LPP: variants seen among roughly 807,000 people sequenced by gnomAD.
The protein encoded by LPP is lipoma-preferred partner.
LPP carries 38 observed loss-of-function variants against 60.4 expected under a neutral mutation model. The observed-to-expected ratio is 0.63, with a 90% CI of 0.49 to 0.83. LPP has a LOEUF of 0.83. Among genes scored for constraint, LPP ranks in the 40% least tolerant of loss-of-function variants. The pLI is 0.00. For missense variants in LPP, 902 were observed against 783.6 expected, an observed-to-expected ratio of 1.15 and a Z score of -1.80; for synonymous variants, 328 against 290.8, an observed-to-expected ratio of 1.13 and a Z score of -1.30.
rs556522817 is a variant in LPP at position 188,403,680 on chromosome 3, G to GA, written c.-9-2422dup. On this transcript the variant is annotated intron_variant, in intron 3 of 11. Coordinates refer to ENST00000617246, the MANE Select transcript of LPP (RefSeq NM_001375462.1). ...GAGATGGGTTTGGTTTTGGTATTTA[G>GA]AAAAAAAAAATCATCTGAAGTTATT... 3.8e-3 allele frequency among the ~76,000 whole-genome samples: 565 copies of GA among 148,694 alleles called. 1 individual carries two copies. The highest frequency in any genetic ancestry group is 5.0e-3 in the Non-Finnish European group (335 of 66,972).
In LPP at chr3:188,609,680, T is replaced by A. The variant is rs768076814; in HGVS notation, c.949T>A (p.Tyr317Asn). The A allele has an allele frequency of 5.0e-6, 8 of 1,614,098 alleles. No individual in the cohort carries two copies. The highest frequency in any genetic ancestry group is 1.7e-4 in the Middle Eastern group (1 of 6,060). ...YGGRNDSDPT[Y>N]GQQGHPNTWK... ...GGGCAGAAATGACTCTGACCCTACC[T>A]ATGGTCAACAAGGTCACCCAAATAC... The change falls in exon 7 of 12, where the codon TAT becomes AAT. Residue 317 changes from tyrosine (Y) to asparagine (N), a missense_variant. Coordinates refer to ENST00000617246, the MANE Select transcript of LPP (RefSeq NM_001375462.1). This position sits in a 1 kb window ranked among gnomAD's most constrained non-coding sequence, Gnocchi z 6.9.
At chr3:188,746,459 T>C (rs1176286759) in intron 8 of LPP, 9 of 442,774 alleles carry the variant, frequency 2.0e-5, no homozygotes, top group Non-Finnish European at 3.9e-5. Context: ...CTGTATTTGT[T>C]GTAACTATCT....
At chr3:188,155,030 G>A (rs1374594533) in intron 1 of LPP, among the ~76,000 whole-genome samples, 1 of 152,140 alleles carries the variant, frequency 6.6e-6, no homozygotes. Flanking sequence ...GGAACCGTGG[G>A]CCAGAGAAGA....
At chr3:188,232,285 C>T (rs1403147216) in intron 2 of LPP, among the ~76,000 whole-genome samples, 11 of 152,046 alleles carry the variant, frequency 7.2e-5, no homozygotes, top group Non-Finnish European at 1.3e-4. Context: ...CTGGCCAGAA[C>T]GTGAATTCTA....
At chr3:188,499,622 A>G (rs1234451744) in intron 5 of LPP, among the ~76,000 whole-genome samples, 3 of 151,970 alleles carry the variant, frequency 2.0e-5, no homozygotes, top group Non-Finnish European at 4.4e-5. Flanking sequence ...GAATTTTAGG[A>G]TAGGTTTTTC....
chr3:188,527,053 G>A (rs1384754068), intron 6 of LPP, among the ~76,000 whole-genome samples: 2 of 152,122 alleles, frequency 1.3e-5, no homozygotes, highest in African/African-American at 2.4e-5. Flanking sequence ...GAGCCACAGG[G>A]CTGCAAGCAA....
At chr3:188,738,905 T>C (rs145003480) in intron 8 of LPP, among the ~76,000 whole-genome samples, 178 of 152,234 alleles carry the variant, frequency 1.2e-3, no homozygotes, top group African/African-American at 4.1e-3. Flanking sequence ...TGATTGGTCT[T>C]TAAAAAAATA....
chr3:188,170,310 GTTTCT>G (rs1273015862), intron 1 of LPP, among the ~76,000 whole-genome samples: 41 of 148,054 alleles, frequency 2.8e-4, no homozygotes, highest in African/African-American at 8.3e-4. Flanking sequence ...GGGAGTCTCA[GTTTCT>G]TTTCTTTTCT....
At chr3:188,359,366 A>G (rs1411457244) in intron 3 of LPP, among the ~76,000 whole-genome samples, 1 of 152,200 alleles carries the variant, frequency 6.6e-6, no homozygotes, top group African/African-American at 2.4e-5. Flanking sequence ...CTCTTGAAAT[A>G]AAATGTGCAT....
Position 188,610,798 on chromosome 3 carries a change from G to A in LPP, c.1113+954G>A, listed in dbSNP as rs138074477. Among the ~76,000 whole-genome samples, 541 of 152,216 alleles carry A rather than the reference G, an allele frequency of 3.6e-3. 2 individuals carry two copies. Among genetic ancestry groups the A allele is most frequent in the African/African-American group, 0.011 (477 of 41,542 alleles). On this transcript the variant is annotated intron_variant, in intron 7 of 11. Transcript: ENST00000617246. The surrounding 1 kb of genome is among the most constrained non-coding windows in gnomAD (Gnocchi z 4.4). The stretch of plus-strand genomic sequence containing the variant: ...GAACCAATAAGAATAACTTGGAATC[G>A]GTGAAAATAGAGGAACTGAGCCAGT...
At chr3:188,753,597 G>C (rs1728842286) in intron 8 of LPP, among the ~76,000 whole-genome samples, 1 of 151,520 alleles carries the variant, frequency 6.6e-6, no homozygotes, top group Admixed American at 6.6e-5. Flanking sequence ...GTGTGTGTGT[G>C]TGTGTGTGTG....
chr3:188,706,962 A>C (rs546779929), intron 7 of LPP, among the ~76,000 whole-genome samples: 2 of 152,302 alleles, frequency 1.3e-5, no homozygotes, highest in South Asian at 4.1e-4. Flanking sequence ...AGAAATGGTC[A>C]AATTTATAGG....
At chr3:188,853,600 G>A (rs1201522969) in intron 9 of LPP, among the ~76,000 whole-genome samples, 1 of 152,170 alleles carries the variant, frequency 6.6e-6, no homozygotes, top group Non-Finnish European at 1.5e-5. Flanking sequence ...CCTAGACAGG[G>A]GAGGTAGGAC....
chr3:188,250,521 C>A (rs772663937), intron 2 of LPP, among the ~76,000 whole-genome samples: 5 of 152,176 alleles, frequency 3.3e-5, no homozygotes, highest in Non-Finnish European at 7.4e-5. Context: ...ACACTTTATT[C>A]TTGCTCCTTA....
chr3:188,647,802 C>T (rs1851383907), intron 7 of LPP, among the ~76,000 whole-genome samples: 1 of 152,168 alleles, frequency 6.6e-6, no homozygotes, highest in South Asian at 2.1e-4. Context: ...CTTCTCTGCT[C>T]TATCGTGGCT....
intron 3 of LPP, among the ~76,000 whole-genome samples, chr3:188,384,394 G>T (rs1777671710): frequency 6.6e-6 from 1 of 150,532 alleles, no homozygotes; most frequent in African/African-American, 2.4e-5. Flanking sequence ...TATATATATG[G>T]CTTATAATGG....
chr3:188,742,906 C>T (rs949599851), intron 8 of LPP, among the ~76,000 whole-genome samples: 9 of 152,118 alleles, frequency 5.9e-5, no homozygotes, highest in Admixed American at 1.3e-4. Flanking sequence ...CATATTTGAG[C>T]GAGGGCTGTC....
At chr3:188,844,233 AT>A (rs1266776037) in intron 9 of LPP, among the ~76,000 whole-genome samples, 1 of 152,210 alleles carries the variant, frequency 6.6e-6, no homozygotes, top group Non-Finnish European at 1.5e-5. Flanking sequence ...TAGATGTTGT[AT>A]AATCTAAGTT....
rs553620986 is a variant in LPP at position 188,368,248 on chromosome 3, C to T, written c.-10+26529C>T. Among the ~76,000 whole-genome samples the T allele has an allele frequency of 4.6e-5, 7 of 152,272 alleles. No individual in the cohort carries two copies. The South Asian group carries it at 1.5e-3, about 32-fold the overall frequency. ...AAAACTTTGTTGGCTTCTGGTGGTA[C>T]ACTTTTTCACCATCAAAGGCACAAA... On this transcript the variant is annotated intron_variant, in intron 3 of 11. Transcript: ENST00000617246.
Sources: gnomAD v4.1 joint callset for allele counts (sites outside exome capture counted in the v4.1 genomes callset) on GRCh38, gnomAD v4.1.1 for gene constraint, Gnocchi (gnomAD v3.1) non-coding constraint, MANE v1.5 for transcripts, NCBI Gene and HGNC (gene_info 2026-07-23, HGNC 2026-07-21) for gene names.